MPPED1: variants seen among roughly 807,000 people sequenced by gnomAD.
The protein encoded by MPPED1 is metallophosphoesterase domain-containing protein 1.
A neutral mutation model predicts 36.2 loss-of-function variants in MPPED1; 16 were observed. The observed-to-expected ratio is 0.44, with a 90% CI of 0.30 to 0.67. The LOEUF (loss-of-function observed/expected upper bound fraction) is 0.67, where lower values mean the gene tolerates loss of function less well. MPPED1 is among the 30% of genes least tolerant of loss of function. The probability of loss-of-function intolerance (pLI) is 0.10; values close to 1 mark genes in which losing one functional copy is unlikely to be tolerated. For missense variants in MPPED1, 307 were observed against 453.4 expected, an observed-to-expected ratio of 0.68 and a Z score of 2.93; for synonymous variants, 199 against 191.3, an observed-to-expected ratio of 1.04 and a Z score of -0.33.
At chr22:43,447,686 A>G (rs1372879710) in intron 3 of MPPED1, among the ~76,000 whole-genome samples, 1 of 150,954 alleles carries the variant, frequency 6.6e-6, no homozygotes, top group African/African-American at 2.4e-5. Context: ...CTCACACTTC[A>G]GTGCTCAAGT....
At chr22:43,434,930 G>T (rs566707403) in intron 2 of MPPED1, 104 bp from the exon 3 acceptor site, 4 of 1,275,684 alleles carry the variant, frequency 3.1e-6, no homozygotes, top group East Asian at 4.7e-5. Context: ...GATCTGAGCG[G>T]GATTGATGGG....
chr22:43,499,434 G>A (rs573629356), intron 5 of MPPED1, among the ~76,000 whole-genome samples: 36 of 146,000 alleles, frequency 2.5e-4, no homozygotes, highest in African/African-American at 8.6e-4. Flanking sequence ...TGATGTGGGA[G>A]GTGGTGGTGG....
chr22:43,423,101 T>TCTCA (rs1406639711), intron 1 of MPPED1, among the ~76,000 whole-genome samples: 3 of 152,166 alleles, frequency 2.0e-5, no homozygotes, highest in Admixed American at 6.5e-5. Context: ...CCTCCCGAAG[T>TCTCA]GCTGGGATTA....
Position 43,505,612 on chromosome 22 carries a change from C to T in MPPED1, c.977C>T (p.Ser326Phe). ...ATCGACCTCCCCACACCCCGGAACT[C>T]CTGACTGCTCCCCACTGCCCCTGCC... ...IVIDLPTPRN[S>F] Residue 326 changes from serine (S) to phenylalanine (F), a missense_variant, in exon 7 of 7, where the codon TCC (serine) becomes TTC (phenylalanine). Around this residue, in one of 3 missense-constraint regions of MPPED1, gnomAD observed 132 missense variants for 212.3 expected, o/e 0.62. Coordinates refer to ENST00000443721, the MANE Select transcript of MPPED1 (RefSeq NM_001044370.2). The T allele has an allele frequency of 8.1e-6, 13 of 1,607,086 alleles. No individual in the cohort carries two copies. Among genetic ancestry groups the T allele is most frequent in the Non-Finnish European group, 1.1e-5 (13 of 1,176,878 alleles).
At chr22:43,446,052 G>A (rs1013053650) in intron 3 of MPPED1, among the ~76,000 whole-genome samples, 1 of 133,528 alleles carries the variant, frequency 7.5e-6, no homozygotes, top group Non-Finnish European at 1.6e-5. Flanking sequence ...TCTATTTTTT[G>A]TAGAGACGGG....
intron 1 of MPPED1, among the ~76,000 whole-genome samples, chr22:43,420,176 G>T (rs767970777): frequency 6.6e-5 from 10 of 152,226 alleles, no homozygotes; most frequent in African/African-American, 1.7e-4. Context: ...GTGTCCTACC[G>T]CTCAGCAGCC....
chr22:43,466,319 A>C (rs773069338), intron 3 of MPPED1, among the ~76,000 whole-genome samples: 16 of 151,870 alleles, frequency 1.1e-4, no homozygotes, highest in Non-Finnish European at 2.1e-4. Flanking sequence ...TGTCTGTTCT[A>C]TCTGGGGTGT....
At chr22:43,497,083 G>C (rs1160043454) in intron 4 of MPPED1, among the ~76,000 whole-genome samples, 1 of 149,148 alleles carries the variant, frequency 6.7e-6, no homozygotes, top group Non-Finnish European at 1.5e-5. Flanking sequence ...TGGTGGTGGA[G>C]GTAGTGGTGG....
chr22:43,470,593 C>A (rs576690600), intron 3 of MPPED1, among the ~76,000 whole-genome samples: 15 of 152,352 alleles, frequency 9.8e-5, no homozygotes, highest in African/African-American at 2.6e-4. Context: ...TCCATCCATG[C>A]ATCCATCCAT....
intron 3 of MPPED1, among the ~76,000 whole-genome samples, chr22:43,462,933 G>C (rs2146869473): frequency 6.6e-6 from 1 of 152,290 alleles, no homozygotes; most frequent in South Asian, 2.1e-4. Context: ...AGCTTTCTGA[G>C]AAAGTGCACA....
At chr22:43,432,460 G>A (rs1489523652) in intron 2 of MPPED1, among the ~76,000 whole-genome samples, 1 of 127,904 alleles carries the variant, frequency 7.8e-6, no homozygotes, top group Non-Finnish European at 1.7e-5. Flanking sequence ...GAGAGATAAA[G>A]AGAGGAGAGA....
intron 3 of MPPED1, among the ~76,000 whole-genome samples, chr22:43,455,835 T>C (rs1023890184): frequency 6.6e-6 from 1 of 152,218 alleles, no homozygotes; most frequent in African/African-American, 2.4e-5. Flanking sequence ...ACTTTGATTA[T>C]TGTGTTAATT....
chr22:43,426,391 G>C (rs1397545403), intron 2 of MPPED1, among the ~76,000 whole-genome samples: 1 of 152,114 alleles, frequency 6.6e-6, no homozygotes. Flanking sequence ...AGCACAGGGA[G>C]GGGGGAGCTA....
chr22:43,444,739 C>T lies in MPPED1; in HGVS notation c.406+9524C>T, dbSNP rs564956450. On this transcript the variant is annotated intron_variant, in intron 3 of 6. Coordinates refer to ENST00000443721, the MANE Select transcript of MPPED1 (RefSeq NM_001044370.2). ...AAAATTAAAAACTTAAAAAAAAAATCTAAGCAGGGTAGAGAGATTCATTTC... is the reference window on the plus strand; with the variant it reads ...AAAATTAAAAACTTAAAAAAAAAATTTAAGCAGGGTAGAGAGATTCATTTC... Among the ~76,000 whole-genome samples the T allele has an allele frequency of 3.3e-5, 5 of 151,910 alleles. No individual in the cohort carries two copies. In the South Asian group the frequency reaches 1.0e-3, roughly 32 times the overall value.
chr22:43,451,523 C>T (rs576771598), intron 3 of MPPED1, among the ~76,000 whole-genome samples: 44 of 152,298 alleles, frequency 2.9e-4, no homozygotes, highest in African/African-American at 7.2e-4. Context: ...CGAGAGCTCG[C>T]GGAAGGCCGT....
intron 3 of MPPED1, among the ~76,000 whole-genome samples, chr22:43,445,558 C>CTT (rs135055): frequency 0.26 from 31,439 of 122,696 alleles, 5,286 homozygotes; most frequent in East Asian, 0.66. Flanking sequence ...CTGATGTTTC[C>CTT]TTTTTTTTTT....
At chr22:43,446,444 AC>A (rs1288714340) in intron 3 of MPPED1, among the ~76,000 whole-genome samples, 1 of 151,966 alleles carries the variant, frequency 6.6e-6, no homozygotes, top group Non-Finnish European at 1.5e-5. Context: ...GAAGGGCCGG[AC>A]CCTCTGCTGA....
intron 3 of MPPED1, among the ~76,000 whole-genome samples, chr22:43,463,442 C>T (rs1030935204): frequency 2.6e-5 from 4 of 151,894 alleles, no homozygotes; most frequent in African/African-American, 9.7e-5. Context: ...AGCTGTCCTC[C>T]CACCTCAGCC....
intron 3 of MPPED1, among the ~76,000 whole-genome samples, chr22:43,439,673 G>C (rs1422849163): frequency 1.3e-5 from 2 of 152,216 alleles, no homozygotes; most frequent in African/African-American, 4.8e-5. Context: ...GCAGTGCTTT[G>C]CACAGTCCGG....
Sources: gnomAD v4.1 joint callset for allele counts (sites outside exome capture counted in the v4.1 genomes callset) on GRCh38, gnomAD v4.1.1 for gene constraint, gnomAD v4.1.1 regional missense constraint, MANE v1.5 for transcripts, NCBI Gene and HGNC (gene_info 2026-07-23, HGNC 2026-07-21) for gene names.